The following PCDHGA9 variants were observed in gnomAD, a reference collection of about 807,000 sequenced individuals.
The protein encoded by PCDHGA9 is protocadherin gamma subfamily A, 9, also known as protocadherin gamma-A9.
A neutral mutation model predicts 62.5 loss-of-function variants in PCDHGA9; 37 were observed. The observed-to-expected ratio is 0.59, with a 90% CI of 0.46 to 0.78. The LOEUF (loss-of-function observed/expected upper bound fraction) is 0.78. PCDHGA9 is among the 30% of genes least tolerant of loss of function. PCDHGA9 has a pLI of 0.00. For synonymous variants in PCDHGA9, 459 were observed against 484.6 expected (o/e 0.95, Z 0.69); for missense variants, 1,138 against 1,166.2 (o/e 0.98, Z 0.35).
intron 2 of PCDHGA9, among the ~76,000 whole-genome samples, chr5:141,501,290 T>TACAC (rs55762287): frequency 0.051 from 6,975 of 136,060 alleles, 192 homozygotes; most frequent in African/African-American, 0.071. Context: ...TATTCCCTTA[T>TACAC]ACACACACAC....
intron 1 of PCDHGA9, among the ~76,000 whole-genome samples, chr5:141,438,764 C>A (rs963627140): frequency 6.7e-6 from 1 of 148,638 alleles, no homozygotes; most frequent in Non-Finnish European, 1.5e-5. Flanking sequence ...TGGGTTCAAG[C>A]GATTCTCCTG....
chr5:141,486,146 G>T lies in PCDHGA9; in HGVS notation c.2425-8661G>T. Reference sequence around the variant, plus strand: ...TGAATTTGATGTGCGGGCTCGCGATGGGGGTTCTCCAGCCATGGAGCAACA... The same window carrying T: ...TGAATTTGATGTGCGGGCTCGCGATTGGGGTTCTCCAGCCATGGAGCAACA... On this transcript the variant is annotated intron_variant, in intron 1 of 3. Transcript: ENST00000573521. The surrounding 1 kb of genome is among the most constrained non-coding windows in gnomAD (Gnocchi z 5.0). 6.2e-7 allele frequency: 1 copy of T among 1,614,184 alleles called. No homozygotes were observed. The highest frequency in any genetic ancestry group is 8.5e-7 in the Non-Finnish European group (1 of 1,180,032).
Position 141,476,294 on chromosome 5 carries a change from A to G in PCDHGA9, c.2425-18513A>G. 6.2e-7 allele frequency: 1 copy of G among 1,613,036 alleles called. No homozygotes were observed. The highest frequency in any genetic ancestry group is 8.5e-7 in the Non-Finnish European group (1 of 1,179,642). On this transcript the variant is annotated intron_variant, in intron 1 of 3. Transcript: ENST00000573521. The surrounding 1 kb of genome is among the most constrained non-coding windows in gnomAD (Gnocchi z 7.6). ...CGCGAACCTTGGTTTGGATCTCGGT[A>G]GCCTCTCAGCCCGCAGGTTCCGGGT...
chr5:141,428,120 C>G (rs756805763), intron 1 of PCDHGA9: 2 of 1,606,528 alleles, frequency 1.2e-6, no homozygotes, highest in South Asian at 1.1e-5. Context: ...CCATCGAGCC[C>G]GGGCTTTTCA....
At chr5:141,415,282 G>A in intron 1 of PCDHGA9, 1 of 1,614,224 alleles carries the variant, frequency 6.2e-7, no homozygotes, top group Non-Finnish European at 8.5e-7. Flanking sequence ...AGCGGTGGCC[G>A]CGGTCTCCTG....
intron 1 of PCDHGA9, among the ~76,000 whole-genome samples, chr5:141,465,368 A>C (rs940928815): frequency 1.3e-5 from 2 of 152,114 alleles, no homozygotes; most frequent in Admixed American, 6.6e-5. Flanking sequence ...TGCCCTTTAA[A>C]GTTGTAAGAT....
chr5:141,426,094 G>C (rs2096914562), intron 1 of PCDHGA9, among the ~76,000 whole-genome samples: 1 of 152,350 alleles, frequency 6.6e-6, no homozygotes, highest in African/African-American at 2.4e-5. Flanking sequence ...ACGATATTCT[G>C]TTCAGTCACA....
chr5:141,467,769 G>A (rs573567102), intron 1 of PCDHGA9, among the ~76,000 whole-genome samples: 9 of 151,590 alleles, frequency 5.9e-5, no homozygotes, highest in East Asian at 3.9e-4. Flanking sequence ...TCAAGTGCCC[G>A]CACCTCAGCC....
Position 141,469,573 on chromosome 5 carries a change from C to CTAAA in PCDHGA9, c.2425-25217_2425-25214dup, listed in dbSNP as rs1209972534. Among the ~76,000 whole-genome samples the CTAAA allele has an allele frequency of 1.4e-4, 21 of 151,674 alleles. No individual in the cohort carries two copies. In the East Asian group the frequency reaches 2.3e-3, roughly 17 times the overall value. On this transcript the variant is annotated intron_variant, in intron 1 of 3. Coordinates refer to ENST00000573521, the MANE Select transcript of PCDHGA9 (RefSeq NM_018921.3). ...CTGGCGACAGAGTGAGACTCTGTCT[C>CTAAA]TAAATAAATAAATAAATAAAACAAA...
intron 1 of PCDHGA9, chr5:141,415,179 G>A: frequency 6.2e-7 from 1 of 1,613,934 alleles, no homozygotes; most frequent in Non-Finnish European, 8.5e-7. Flanking sequence ...CCGTGGCCGT[G>A]GCCGACAGCA....
chr5:141,494,977 T>C, intron 2 of PCDHGA9, 112 bp downstream of exon 2: 1 of 1,574,332 alleles, frequency 6.4e-7, no homozygotes, highest in East Asian at 2.3e-5. Context: ...TCTCCCTCAG[T>C]TTGAGATCCC....
At chr5:141,474,016 G>A (rs1286684019) in intron 1 of PCDHGA9, among the ~76,000 whole-genome samples, 1 of 152,128 alleles carries the variant, frequency 6.6e-6, no homozygotes, top group Non-Finnish European at 1.5e-5. Context: ...GTTACAGTGA[G>A]CTATGATTAT....
intron 1 of PCDHGA9, chr5:141,419,045 T>G (rs1473408777): frequency 6.2e-7 from 1 of 1,613,710 alleles, no homozygotes; most frequent in Non-Finnish European, 8.5e-7. Context: ...TAAGATTCAT[T>G]CTTCTTCTAA....
chr5:141,423,573 C>G, intron 1 of PCDHGA9: 1 of 1,613,488 alleles, frequency 6.2e-7, no homozygotes, highest in South Asian at 1.1e-5. Context: ...CGCTCATCAG[C>G]CAGGAGAGCT....
At chr5:141,406,277 C>T (rs1462690693) in intron 1 of PCDHGA9, among the ~76,000 whole-genome samples, 1 of 151,986 alleles carries the variant, frequency 6.6e-6, no homozygotes, top group Non-Finnish European at 1.5e-5. Flanking sequence ...GCTTCAGTTT[C>T]CCAAAGCACT....
At chr5:141,423,427 G>T (rs2096739583) in intron 1 of PCDHGA9, 1 of 1,613,892 alleles carries the variant, frequency 6.2e-7, no homozygotes, top group Non-Finnish European at 8.5e-7. Flanking sequence ...AGGCGGGTTG[G>T]CAGGTATGCC....
rs1430260899 is a variant in PCDHGA9, at chr5:141,415,763, T to G, written c.2424+10387T>G. On this transcript the variant is annotated intron_variant, in intron 1 of 3. Transcript: ENST00000573521. ...AGGTTTTTTTTTTTTTTTTTTTTTT[T>G]TTTTTTTTTACTTTCTGGTAAAATT... is the stretch of plus-strand genomic sequence containing the variant. The G allele has an allele frequency of 1.1e-5, 15 of 1,398,354 alleles. No homozygotes were observed. The African/African-American group carries it at 2.1e-4, about 19-fold the overall frequency. 86.6% of individuals were successfully genotyped at this position (1,398,354 alleles called of 1,614,324 possible). A position where few individuals can be genotyped will look rare whatever the true frequency, so the allele number is the denominator to read the frequency against.
chr5:141,416,859 G>A (rs1411419006), intron 1 of PCDHGA9: 1 of 151,936 alleles, frequency 6.6e-6, no homozygotes, highest in South Asian at 2.1e-4. Context: ...ATTTTTTTCA[G>A]GTCAGTCAAC....
At chr5:141,454,131 G>A (rs754465889) in intron 1 of PCDHGA9, among the ~76,000 whole-genome samples, 2 of 152,334 alleles carry the variant, frequency 1.3e-5, no homozygotes, top group South Asian at 2.1e-4. Flanking sequence ...AGCTGACCAT[G>A]GGAATGTTCA....
Sources: gnomAD v4.1 joint callset for allele counts (sites outside exome capture counted in the v4.1 genomes callset) on GRCh38, gnomAD v4.1.1 for gene constraint, Gnocchi (gnomAD v3.1) non-coding constraint, MANE v1.5 for transcripts, NCBI Gene and HGNC (gene_info 2026-07-23, HGNC 2026-07-21) for gene names.